The following CLASP2 variants were observed in gnomAD, a reference collection of about 807,000 sequenced individuals.
The protein encoded by CLASP2 is CLIP-associating protein 2.
A neutral mutation model predicts 194.4 loss-of-function variants in CLASP2; 47 were observed. That is an observed-to-expected ratio of 0.24 (90% CI 0.19 to 0.31). CLASP2 has a LOEUF of 0.31. Ranked by LOEUF, CLASP2 falls within the 10% of genes least tolerant of loss-of-function variation. The probability of loss-of-function intolerance (pLI) is 1.00; values close to 1 mark genes in which losing one functional copy is unlikely to be tolerated. For missense variants in CLASP2, 1,445 were observed against 1,823.6 expected (o/e 0.79, Z 3.78); for synonymous variants, 619 against 633.5 (o/e 0.98, Z 0.34).
chr3:33,672,905 A>G (rs1196689383), intron 6 of CLASP2, among the ~76,000 whole-genome samples: 1 of 152,222 alleles, frequency 6.6e-6, no homozygotes, highest in Non-Finnish European at 1.5e-5. Context: ...AAGAATAAAA[A>G]GAAATGAACA....
intron 18 of CLASP2, among the ~76,000 whole-genome samples, chr3:33,598,326 T>A (rs943382227): frequency 6.6e-6 from 1 of 151,838 alleles, no homozygotes; most frequent in Non-Finnish European, 1.5e-5. Flanking sequence ...CACAACAACC[T>A]CCCCAATCAC....
chr3:33,713,626 A>C (rs2093143324), intron 1 of CLASP2, among the ~76,000 whole-genome samples: 2 of 152,164 alleles, frequency 1.3e-5, no homozygotes, highest in South Asian at 4.1e-4. Context: ...AATACATGAA[A>C]TGCTAGCACA....
intron 13 of CLASP2, among the ~76,000 whole-genome samples, chr3:33,611,613 G>A (rs1351349931): frequency 1.3e-5 from 2 of 152,020 alleles, no homozygotes; most frequent in African/African-American, 2.4e-5. Context: ...TATGTTCTAC[G>A]GGGTTGACAT....
intron 11 of CLASP2, among the ~76,000 whole-genome samples, chr3:33,621,666 G>A (rs1382840995): frequency 6.6e-6 from 1 of 152,012 alleles, no homozygotes; most frequent in African/African-American, 2.4e-5. Flanking sequence ...ACACTGCTTA[G>A]GTCAGAAATA....
chr3:33,610,427 A>G (rs2074910068), intron 13 of CLASP2, among the ~76,000 whole-genome samples: 1 of 152,214 alleles, frequency 6.6e-6, no homozygotes, highest in African/African-American at 2.4e-5. Context: ...GCTCTGCAGC[A>G]TATGACATAG....
chr3:33,688,037 G>A (rs1410570299), intron 4 of CLASP2, among the ~76,000 whole-genome samples: 2 of 152,098 alleles, frequency 1.3e-5, no homozygotes, highest in Non-Finnish European at 2.9e-5. Context: ...TCTGTTTTGG[G>A]TGGCTACTAT....
chr3:33,504,620 C>G (rs1419716835), intron 37 of CLASP2: 3 of 152,162 alleles, frequency 2.0e-5, no homozygotes, highest in African/African-American at 4.8e-5. Context: ...TGGTCCCCAG[C>G]CTTTTTGGCA....
intron 9 of CLASP2, among the ~76,000 whole-genome samples, chr3:33,631,713 A>T (rs2079118008): frequency 1.3e-5 from 2 of 151,682 alleles, no homozygotes. Context: ...AAAAAAAAAA[A>T]TTCATTGCAG....
At chr3:33,715,846 G>GAA (rs2093269702) in intron 1 of CLASP2, among the ~76,000 whole-genome samples, 1 of 24,264 alleles carries the variant, frequency 4.1e-5, no homozygotes, top group Non-Finnish European at 7.1e-5. Context: ...TGTATCTTAA[G>GAA]TAAAAAAAAA....
chr3:33,671,610 C>T, intron 6 of CLASP2, among the ~76,000 whole-genome samples: 1 of 152,286 alleles, frequency 6.6e-6, no homozygotes, highest in East Asian at 1.9e-4. Flanking sequence ...GGGTACAGCG[C>T]ACCGTGCACG....
At chr3:33,515,275 T>C (rs2050982066) in intron 36 of CLASP2, among the ~76,000 whole-genome samples, 1 of 152,190 alleles carries the variant, frequency 6.6e-6, no homozygotes. Context: ...TCAATCCTCA[T>C]AGTTACCTAA....
chr3:33,645,925 AG>A (rs1338157088), intron 7 of CLASP2, among the ~76,000 whole-genome samples: 4 of 126,844 alleles, frequency 3.2e-5, no homozygotes, highest in Non-Finnish European at 4.9e-5. Flanking sequence ...AACATCTCCC[AG>A]CATACACACA....
intron 34 of CLASP2, among the ~76,000 whole-genome samples, chr3:33,522,881 T>C (rs1198955880): frequency 1.3e-5 from 2 of 152,072 alleles, no homozygotes; most frequent in African/African-American, 4.8e-5. Context: ...CCATCCTGGC[T>C]AACACGGTGA....
At chr3:33,645,560 T>C in intron 7 of CLASP2, 1 of 435,224 alleles carries the variant, frequency 2.3e-6, no homozygotes, top group Non-Finnish European at 4.0e-6. Flanking sequence ...GTAAAAATTC[T>C]CCATGCATCT....
At chr3:33,688,080 T>C (rs906523507) in intron 4 of CLASP2, among the ~76,000 whole-genome samples, 197 bp downstream of exon 4, 5 of 152,170 alleles carry the variant, frequency 3.3e-5, no homozygotes, top group African/African-American at 1.2e-4. Context: ...GAAACACTTA[T>C]TACTGACATA....
At chr3:33,625,672 GTTT>G (rs1029485775) in intron 10 of CLASP2, among the ~76,000 whole-genome samples, 1 of 151,074 alleles carries the variant, frequency 6.6e-6, no homozygotes, top group Admixed American at 6.6e-5. Flanking sequence ...AATGAAGTTT[GTTT>G]TTTTATTTTT....
rs546878676 is a variant in CLASP2, at chr3:33,698,362, G to A, written c.196-1429C>T. ...CATATAATTAAAGGTCTCTAGTTGG[G>A]GAAAGCCATGGTCTTTATAAAGCCT... is the stretch of plus-strand genomic sequence containing the variant. On this transcript the variant is annotated intron_variant, in intron 1 of 38. Coordinates refer to ENST00000682230, the MANE Select transcript of CLASP2 (RefSeq NM_001365631.1). Among the ~76,000 whole-genome samples the A allele has an allele frequency of 3.3e-5, 5 of 152,076 alleles. No individual in the cohort carries two copies. In the East Asian group the frequency reaches 5.8e-4, roughly 18 times the overall value.
chr3:33,619,816 T>C, intron 11 of CLASP2, 78 bp from the exon 12 acceptor site: 1 of 1,159,890 alleles, frequency 8.6e-7, no homozygotes, highest in Middle Eastern at 2.6e-4. Flanking sequence ...TAAAATACTC[T>C]TTTACTGAAT....
At chr3:33,511,079 A>G (rs1424799539) in intron 36 of CLASP2, among the ~76,000 whole-genome samples, 1 of 147,112 alleles carries the variant, frequency 6.8e-6, no homozygotes, top group Non-Finnish European at 1.5e-5. Flanking sequence ...GTCACCCAGG[A>G]AGGAGTGCAG....
Sources: gnomAD v4.1 joint callset for allele counts (sites outside exome capture counted in the v4.1 genomes callset) on GRCh38, gnomAD v4.1.1 for gene constraint, MANE v1.5 for transcripts, NCBI Gene and HGNC (gene_info 2026-07-23, HGNC 2026-07-21) for gene names.